The following STEAP1B variants were observed in gnomAD, a reference collection of about 807,000 sequenced individuals.
The protein encoded by STEAP1B is STEAP family protein MGC87042.
STEAP1B carries 13 observed loss-of-function variants against 27.9 expected under a neutral mutation model. That is an observed-to-expected ratio of 0.47 (90% CI 0.30 to 0.74). The LOEUF is 0.74. Among genes scored for constraint, STEAP1B ranks in the 30% least tolerant of loss-of-function variants. STEAP1B has a pLI of 0.06. For missense variants in STEAP1B, 250 were observed against 298.7 expected (o/e 0.84, Z 1.20); for synonymous variants, 86 against 107.1 (o/e 0.80, Z 1.22).
chr7:22,438,828 T>C, intron 4 of STEAP1B: 1 of 1,436,880 alleles, frequency 7.0e-7, no homozygotes, highest in Admixed American at 2.9e-5. Flanking sequence ...CTGTGATAAG[T>C]GTATAATGAG....
chr7:22,475,894 G>T (rs1364121489), intron 4 of STEAP1B, among the ~76,000 whole-genome samples: 1 of 152,196 alleles, frequency 6.6e-6, no homozygotes, highest in Non-Finnish European at 1.5e-5. Context: ...GAAACTGTCT[G>T]CCTTTTTTAA....
chr7:22,471,204 G>T (rs1483998817), intron 4 of STEAP1B, among the ~76,000 whole-genome samples: 1 of 152,172 alleles, frequency 6.6e-6, no homozygotes, highest in Non-Finnish European at 1.5e-5. Flanking sequence ...TCTAAGTGTG[G>T]TCAAGGGAAA....
intron 1 of STEAP1B, among the ~76,000 whole-genome samples, chr7:22,498,187 C>T (rs574286125): frequency 1.1e-3 from 175 of 152,326 alleles, no homozygotes; most frequent in Admixed American, 2.6e-3. Context: ...CTGACTGATA[C>T]CAGTCTGCGG....
intron 4 of STEAP1B, among the ~76,000 whole-genome samples, chr7:22,432,373 TAATAAATAAATAAATAAATAAATAAATA>T (rs147989425): frequency 7.3e-6 from 1 of 137,530 alleles, no homozygotes; most frequent in African/African-American, 2.8e-5. Flanking sequence ...ACCCTATACC[TAATAAATAAATAAATAAATAAATAAATA>T]AATAAATAAA....
At chr7:22,444,715 T>A (rs542046511) in intron 4 of STEAP1B, among the ~76,000 whole-genome samples, 1 of 152,364 alleles carries the variant, frequency 6.6e-6, no homozygotes, top group South Asian at 2.1e-4. Context: ...CGCTGCCAGT[T>A]AGGAAGTGAA....
intron 4 of STEAP1B, among the ~76,000 whole-genome samples, chr7:22,452,083 C>A (rs1012590917): frequency 6.6e-6 from 1 of 151,896 alleles, no homozygotes; most frequent in Non-Finnish European, 1.5e-5. Context: ...GAACTGATAA[C>A]CAGACAAAGG....
At chr7:22,422,500 T>C (rs548815384) in intron 4 of STEAP1B, among the ~76,000 whole-genome samples, 1 of 152,262 alleles carries the variant, frequency 6.6e-6, no homozygotes, top group East Asian at 1.9e-4. Context: ...TGTAATTTTT[T>C]TTTTTTTTTT....
At chr7:22,442,471 C>T (rs552064442) in intron 4 of STEAP1B, among the ~76,000 whole-genome samples, 7 of 152,260 alleles carry the variant, frequency 4.6e-5, no homozygotes, top group East Asian at 1.9e-4. Flanking sequence ...TAGGCCCTGA[C>T]GGCAGGCCTG....
intron 4 of STEAP1B, among the ~76,000 whole-genome samples, chr7:22,468,651 C>A (rs1227001212): frequency 6.6e-6 from 1 of 152,016 alleles, no homozygotes; most frequent in African/African-American, 2.4e-5. Context: ...CTCACAGGGG[C>A]TTAGGTTAAA....
intron 4 of STEAP1B, chr7:22,438,903 A>G (rs1442813287): frequency 3.7e-5 from 44 of 1,180,484 alleles, no homozygotes; most frequent in Non-Finnish European, 4.3e-5. Context: ...TTATTTGGTG[A>G]CATTTTTATT....
chr7:22,449,964 T>C (rs1406777258), intron 4 of STEAP1B, among the ~76,000 whole-genome samples: 1 of 152,242 alleles, frequency 6.6e-6, no homozygotes, highest in Non-Finnish European at 1.5e-5. Context: ...TCTATTCAGA[T>C]CTTTTGCCCA....
At chr7:22,462,246 TA>T (rs1785690054) in intron 4 of STEAP1B, among the ~76,000 whole-genome samples, 1 of 151,926 alleles carries the variant, frequency 6.6e-6, no homozygotes, top group Non-Finnish European at 1.5e-5. Context: ...TAATTATTAT[TA>T]TACTTTAAGT....
intron 4 of STEAP1B, among the ~76,000 whole-genome samples, chr7:22,471,083 T>C (rs1435930627): frequency 6.6e-6 from 1 of 152,188 alleles, no homozygotes; most frequent in Admixed American, 6.5e-5. Context: ...CCTTTCCTTC[T>C]TCAAACTTCT....
chr7:22,479,777 C>T (rs1364806944), intron 4 of STEAP1B, among the ~76,000 whole-genome samples: 4 of 150,550 alleles, frequency 2.7e-5, no homozygotes, highest in Non-Finnish European at 5.9e-5. Flanking sequence ...CTCCACCTCC[C>T]GGATTTAAGT....
At chr7:22,486,933 G>A (rs1404377897) in intron 4 of STEAP1B, among the ~76,000 whole-genome samples, 2 of 152,148 alleles carry the variant, frequency 1.3e-5, no homozygotes, top group Non-Finnish European at 2.9e-5. Flanking sequence ...GAAGGTGTCC[G>A]TAAAGCTGTA....
At chr7:22,446,549 C>T (rs1332793872) in intron 4 of STEAP1B, among the ~76,000 whole-genome samples, 2 of 152,238 alleles carry the variant, frequency 1.3e-5, no homozygotes, top group African/African-American at 2.4e-5. Flanking sequence ...AGATTTCTTA[C>T]AAGCAAGTTG....
At chr7:22,490,083 G>A (rs796902273) in intron 4 of STEAP1B, among the ~76,000 whole-genome samples, 5 of 152,002 alleles carry the variant, frequency 3.3e-5, no homozygotes, top group African/African-American at 1.2e-4. Context: ...CCAAAAGAAT[G>A]TTTTCTATCT....
intron 4 of STEAP1B, among the ~76,000 whole-genome samples, chr7:22,445,159 A>C (rs1785390917): frequency 6.6e-6 from 1 of 152,232 alleles, no homozygotes; most frequent in African/African-American, 2.4e-5. Flanking sequence ...GGGAGCTTCT[A>C]GACTTTTCTG....
intron 4 of STEAP1B, among the ~76,000 whole-genome samples, chr7:22,465,790 T>C (rs1246361639): frequency 6.6e-6 from 1 of 152,124 alleles, no homozygotes; most frequent in African/African-American, 2.4e-5. Context: ...GCCTTATGCA[T>C]AGAAATAGTC....
Sources: allele counts gnomAD v4.1 joint callset (sites outside exome capture counted in the v4.1 genomes callset), GRCh38; gene constraint gnomAD v4.1.1; transcripts MANE v1.5; gene names NCBI Gene and HGNC (gene_info 2026-07-23, HGNC 2026-07-21).